Variants in RPTOR observed in about 807,000 individuals in gnomAD.
RPTOR encodes the protein regulatory associated protein of MTOR complex 1.
Under a neutral mutation model 169.9 loss-of-function variants are expected in RPTOR, and 21 were observed. The ratio of observed to expected loss-of-function variants is 0.12; its 90% CI spans 0.09 to 0.18. RPTOR has a LOEUF of 0.18. RPTOR is among the 10% of genes least tolerant of loss of function. RPTOR has a pLI of 1.00. For missense variants in RPTOR, 1,133 were observed against 1,855.9 expected (o/e 0.61, Z 7.16); for synonymous variants, 732 against 753.2 (o/e 0.97, Z 0.46).
intron 3 of RPTOR, among the ~76,000 whole-genome samples, chr17:80,684,001 G>T (rs1448410593): frequency 6.6e-6 from 1 of 152,196 alleles, no homozygotes; most frequent in Non-Finnish European, 1.5e-5. Flanking sequence ...TACACAGGAA[G>T]TAAATTCAGA....
chr17:80,893,962 G>A (rs1416941173), intron 20 of RPTOR, 97 bp downstream of exon 20: 2 of 1,214,822 alleles, frequency 1.6e-6, no homozygotes, highest in South Asian at 1.8e-5. Context: ...GTCAGTGGGT[G>A]TCAAAACTGT....
intron 7 of RPTOR, among the ~76,000 whole-genome samples, chr17:80,819,545 C>T (rs1354455873): frequency 2.0e-5 from 3 of 152,204 alleles, no homozygotes; most frequent in Admixed American, 1.3e-4. Context: ...TGACACAGCA[C>T]CACACACCCT....
intron 6 of RPTOR, among the ~76,000 whole-genome samples, chr17:80,767,847 T>G (rs1347384685): frequency 1.3e-5 from 1 of 78,524 alleles, no homozygotes; most frequent in Non-Finnish European, 2.7e-5. Context: ...TTACTTGAAT[T>G]TTTTTTTTAT....
intron 1 of RPTOR, among the ~76,000 whole-genome samples, chr17:80,617,071 A>G (rs2143506360): frequency 6.6e-6 from 1 of 152,314 alleles, no homozygotes; most frequent in Middle Eastern, 3.4e-3. Context: ...TTTTATCCCC[A>G]CTTCTGCCCC....
At chr17:80,564,250 G>A (rs2084544928) in intron 1 of RPTOR, among the ~76,000 whole-genome samples, 1 of 151,998 alleles carries the variant, frequency 6.6e-6, no homozygotes, top group African/African-American at 2.4e-5. Context: ...TTTTAGTAGA[G>A]ATGGGGTTTT....
rs9898104 is a variant in RPTOR at position 80,815,961 on chromosome 17, T to C, written c.891-6240T>C. The stretch of plus-strand genomic sequence containing the variant: ...ATCACGTGCAGAGCATCCTCCCGAC[T>C]GGCGAGGTGGCTTCCACGGAGCGAT... On this transcript the variant is annotated intron_variant, in intron 7 of 33. Coordinates refer to ENST00000306801, the MANE Select transcript of RPTOR (RefSeq NM_020761.3). Among the ~76,000 whole-genome samples the C allele has an allele frequency of 4.7e-4, 51 of 107,722 alleles. 3 individuals carry two copies. Among genetic ancestry groups the C allele is most frequent in the Non-Finnish European group, 6.7e-4 (30 of 44,544 alleles). The allele number at this position is 107,722 out of a possible 152,430, so 70.7% of individuals were successfully genotyped here.
chr17:80,636,056 C>T lies in RPTOR; in HGVS notation c.266-7672C>T, dbSNP rs567919099. On this transcript the variant is annotated intron_variant, in intron 2 of 33. Coordinates refer to ENST00000306801, the MANE Select transcript of RPTOR (RefSeq NM_020761.3). Reference sequence around the variant, plus strand: ...CATTTTGAGGTCTATTACTAGAAATCGAGATTTTTGTGTTAATCAAGACTC... The same window carrying T: ...CATTTTGAGGTCTATTACTAGAAATTGAGATTTTTGTGTTAATCAAGACTC... 3.3e-5 allele frequency among the ~76,000 whole-genome samples: 5 copies of T among 152,236 alleles called. No individual in the cohort carries two copies. The South Asian group carries it at 1.0e-3, about 32-fold the overall frequency.
intron 25 of RPTOR, among the ~76,000 whole-genome samples, chr17:80,944,852 G>A (rs1018234442): frequency 1.3e-5 from 2 of 152,086 alleles, no homozygotes; most frequent in South Asian, 2.1e-4. Flanking sequence ...TTAGCTGGGC[G>A]TGGTGGCGGA....
At chr17:80,956,559 T>G (rs1453005107) in intron 28 of RPTOR, among the ~76,000 whole-genome samples, 1 of 152,240 alleles carries the variant, frequency 6.6e-6, no homozygotes, top group East Asian at 1.9e-4. Context: ...TCCTCAAGCT[T>G]TGATAGGGCC....
At chr17:80,937,613 C>T (rs1452143161) in intron 24 of RPTOR, among the ~76,000 whole-genome samples, 2 of 152,246 alleles carry the variant, frequency 1.3e-5, no homozygotes, top group Admixed American at 6.5e-5. Context: ...GCGGCACCCA[C>T]AGCCTCCAGG....
chr17:80,888,054 G>T (rs2068270713), intron 17 of RPTOR, among the ~76,000 whole-genome samples: 1 of 152,156 alleles, frequency 6.6e-6, no homozygotes, highest in Non-Finnish European at 1.5e-5. Context: ...TTGGATGGGG[G>T]CTTACTCCCT....
chr17:80,620,581 A>G (rs902863764), intron 1 of RPTOR, among the ~76,000 whole-genome samples: 4 of 152,204 alleles, frequency 2.6e-5, no homozygotes, highest in Admixed American at 2.0e-4. Context: ...CCTGGCCAAC[A>G]TGGCGAAACC....
intron 1 of RPTOR, among the ~76,000 whole-genome samples, chr17:80,622,241 T>C (rs142287491): frequency 6.6e-6 from 1 of 152,294 alleles, no homozygotes; most frequent in Non-Finnish European, 1.5e-5. Context: ...TTACAGGGCA[T>C]GAAAGGAACA....
chr17:80,693,745 G>T (rs1458827978), intron 3 of RPTOR, among the ~76,000 whole-genome samples: 1 of 152,208 alleles, frequency 6.6e-6, no homozygotes, highest in Non-Finnish European at 1.5e-5. Context: ...CAGGGTGGGC[G>T]TCCAGATGGT....
intron 7 of RPTOR, among the ~76,000 whole-genome samples, chr17:80,817,873 T>C (rs1197005820): frequency 6.6e-6 from 1 of 152,126 alleles, no homozygotes; most frequent in Non-Finnish European, 1.5e-5. Context: ...TCTACAGTGG[T>C]TGCACAAATG....
chr17:80,876,657 C>T (rs1256766285), intron 13 of RPTOR, among the ~76,000 whole-genome samples: 10 of 124,388 alleles, frequency 8.0e-5, no homozygotes, highest in South Asian at 2.9e-4. Context: ...GCCCGTGCCA[C>T]GCAGGGTGTG....
rs1421219194 is a variant in RPTOR, at chr17:80,803,085, C to T, written c.890+11576C>T. The stretch of plus-strand genomic sequence containing the variant: ...AGTGCCTCCTCTGGCAGGGGTGCCT[C>T]CTTGGATCTGTTTATCCTGCAGGAT... On this transcript the variant is annotated intron_variant, in intron 7 of 33. Transcript: ENST00000306801. This position sits in a 1 kb window ranked among gnomAD's most constrained non-coding sequence, Gnocchi z 6.2. 1 of 152,438 alleles carries T rather than the reference C, an allele frequency of 6.6e-6. No homozygotes were observed. The highest frequency in any genetic ancestry group is 1.9e-4 in the East Asian group (1 of 5,208). 9.4% of individuals were successfully genotyped at this position (152,438 alleles called of 1,614,324 possible).
intron 3 of RPTOR, among the ~76,000 whole-genome samples, chr17:80,652,118 C>A (rs529638374): frequency 6.6e-6 from 1 of 150,894 alleles, no homozygotes. Context: ...TGTAGTAAGC[C>A]GAGATCACGC....
intron 6 of RPTOR, among the ~76,000 whole-genome samples, chr17:80,766,136 G>A (rs899781524): frequency 6.6e-6 from 1 of 152,102 alleles, no homozygotes; most frequent in Non-Finnish European, 1.5e-5. Flanking sequence ...GCCCACCGTA[G>A]TCTCAACTTC....
Sources: allele counts gnomAD v4.1 joint callset (sites outside exome capture counted in the v4.1 genomes callset), GRCh38; gene constraint gnomAD v4.1.1; non-coding constraint Gnocchi (gnomAD v3.1); transcripts MANE v1.5; gene names NCBI Gene and HGNC (gene_info 2026-07-23, HGNC 2026-07-21).